Variants in ADAMTS3 observed in about 807,000 individuals in gnomAD.
ADAMTS3 encodes the protein ADAM metallopeptidase with thrombospondin type 1 motif 3.
A neutral mutation model predicts 129.0 loss-of-function variants in ADAMTS3; 73 were observed. The observed-to-expected ratio is 0.57, with a 90% CI of 0.47 to 0.69. The LOEUF (loss-of-function observed/expected upper bound fraction) is 0.69, where lower values mean the gene tolerates loss of function less well. ADAMTS3 is among the 30% of genes least tolerant of loss of function. The pLI is 0.00. For synonymous variants in ADAMTS3, 477 were observed against 510.8 expected (o/e 0.93, Z 0.89); for missense variants, 1,457 against 1,514.5 (o/e 0.96, Z 0.63).
At chr4:72,443,908 TG>T (rs1311246243) in intron 3 of ADAMTS3, among the ~76,000 whole-genome samples, 2 of 151,734 alleles carry the variant, frequency 1.3e-5, no homozygotes, top group Non-Finnish European at 2.9e-5. Flanking sequence ...GGTTGCAGAA[TG>T]GTTATCCAAG....
chr4:72,485,492 G>A (rs1230616263), intron 3 of ADAMTS3, among the ~76,000 whole-genome samples: 1 of 151,924 alleles, frequency 6.6e-6, no homozygotes, highest in Admixed American at 6.6e-5. Context: ...AATTATGTAT[G>A]TTCTGGTTTA....
rs77632469 is a variant in ADAMTS3, at chr4:72,463,954, G to T, written c.505-48983C>A. Among the ~76,000 whole-genome samples, 810 of 151,920 alleles carry T rather than the reference G, an allele frequency of 5.3e-3. 5 individuals carry two copies. The highest frequency in any genetic ancestry group is 0.019 in the African/African-American group (783 of 41,456). On this transcript the variant is annotated intron_variant, in intron 3 of 21. Coordinates refer to ENST00000286657, the MANE Select transcript of ADAMTS3 (RefSeq NM_014243.3). ...GCCAGCCTGCCAAGACAAACAAATG[G>T]GTCTTGGCTAAAGGGGCGCCCATCT...
Position 72,482,035 on chromosome 4 carries a change from A to T in ADAMTS3, c.504+66443T>A, listed in dbSNP as rs569464106. On this transcript the variant is annotated intron_variant, in intron 3 of 21. Coordinates refer to ENST00000286657, the MANE Select transcript of ADAMTS3 (RefSeq NM_014243.3). ...GGTAAGAATGTGAAGAAACTGGAAC[A>T]TTCATACGTTGCTGGTGGGAATGTA... Among the ~76,000 whole-genome samples, 50 of 152,252 alleles carry T rather than the reference A, an allele frequency of 3.3e-4. 2 individuals are homozygous for T. In the South Asian group the frequency reaches 9.9e-3, roughly 30 times the overall value.
rs1279799218 is a variant in ADAMTS3 at position 72,529,889 on chromosome 4, T to A, written c.504+18589A>T. Reference sequence around the variant, plus strand: ...ATAATATAAATTATATATAATATATTATATATTATATATAAATAATATATA... The same window carrying A: ...ATAATATAAATTATATATAATATATAATATATTATATATAAATAATATATA... On this transcript the variant is annotated intron_variant, in intron 3 of 21. Transcript: ENST00000286657. Among the ~76,000 whole-genome samples the A allele has an allele frequency of 6.8e-4, 46 of 68,048 alleles. 2 individuals carry two copies. The highest frequency in any genetic ancestry group is 9.7e-4 in the Non-Finnish European group (38 of 39,240). 44.6% of individuals were successfully genotyped at this position (68,048 alleles called of 152,430 possible).
At chr4:72,440,613 C>T (rs1308490415) in intron 3 of ADAMTS3, among the ~76,000 whole-genome samples, 1 of 151,794 alleles carries the variant, frequency 6.6e-6, no homozygotes, top group Non-Finnish European at 1.5e-5. Flanking sequence ...TGCAATCACA[C>T]TTTTCGTAAC....
Position 72,414,797 on chromosome 4 carries a change from C to T in ADAMTS3, c.661+18G>A. 3 of 1,378,676 alleles carry T rather than the reference C, an allele frequency of 2.2e-6. No individual in the cohort carries two copies. The highest frequency in any genetic ancestry group is 3.0e-5 in the African/African-American group (2 of 67,010). 85.4% of individuals were successfully genotyped at this position (1,378,676 alleles called of 1,614,324 possible). A position where few individuals can be genotyped will look rare whatever the true frequency, so the allele number is the denominator to read the frequency against. ...CTTAAAATTATATTTCATTATTAAG[C>T]TTTGTCAAGACGCCTACCTCTGTAG... is the stretch of plus-strand genomic sequence containing the variant. On this transcript the variant is annotated intron_variant, in intron 4 of 21. Coordinates refer to ENST00000286657, the MANE Select transcript of ADAMTS3 (RefSeq NM_014243.3).
chr4:72,541,905 C>T (rs1390478222), intron 3 of ADAMTS3, among the ~76,000 whole-genome samples: 11 of 151,986 alleles, frequency 7.2e-5, no homozygotes, highest in South Asian at 2.1e-4. Flanking sequence ...TAATATACAC[C>T]CTAAATGTTA....
intron 3 of ADAMTS3, among the ~76,000 whole-genome samples, chr4:72,480,543 T>A (rs931366044): frequency 1.3e-5 from 2 of 150,700 alleles, no homozygotes; most frequent in African/African-American, 2.5e-5. Flanking sequence ...TGGGGACTGT[T>A]GTGGGGTCGG....
At chr4:72,530,886 G>T (rs1721024746) in intron 3 of ADAMTS3, among the ~76,000 whole-genome samples, 3 of 131,788 alleles carry the variant, frequency 2.3e-5, no homozygotes, top group Admixed American at 9.2e-5. Flanking sequence ...ATGCTCTTTA[G>T]ATATACATAT....
chr4:72,297,314 C>T (rs1441459165), intron 18 of ADAMTS3, among the ~76,000 whole-genome samples: 1 of 151,998 alleles, frequency 6.6e-6, no homozygotes, highest in African/African-American at 2.4e-5. Flanking sequence ...GAGAGTACAG[C>T]AGAAGGGAGG....
intron 3 of ADAMTS3, among the ~76,000 whole-genome samples, chr4:72,499,622 T>C (rs1183457386): frequency 3.3e-5 from 5 of 152,180 alleles, no homozygotes; most frequent in African/African-American, 1.2e-4. Flanking sequence ...TTTCCATTTT[T>C]GATAATTTCA....
intron 4 of ADAMTS3, among the ~76,000 whole-genome samples, chr4:72,391,852 G>A (rs957928599): frequency 2.0e-5 from 3 of 151,854 alleles, no homozygotes; most frequent in African/African-American, 4.8e-5. Context: ...TTACAGATGC[G>A]ATACTTCTGC....
chr4:72,349,444 A>G (rs968294029), intron 4 of ADAMTS3, among the ~76,000 whole-genome samples: 2 of 152,082 alleles, frequency 1.3e-5, no homozygotes, highest in African/African-American at 4.8e-5. Flanking sequence ...ATACTTCATA[A>G]CAATATAAAA....
At chr4:72,504,682 T>C (rs1168188089) in intron 3 of ADAMTS3, among the ~76,000 whole-genome samples, 2 of 152,180 alleles carry the variant, frequency 1.3e-5, no homozygotes, top group South Asian at 2.1e-4. Flanking sequence ...TTTCTTTCTC[T>C]ACCTCCTCTC....
intron 4 of ADAMTS3, among the ~76,000 whole-genome samples, chr4:72,385,128 C>T (rs1233969684): frequency 8.6e-5 from 13 of 151,362 alleles, no homozygotes; most frequent in Non-Finnish European, 1.5e-4. Flanking sequence ...TGCAGTGAGC[C>T]GAGATCCTGC....
At chr4:72,426,120 CATAA>C (rs2109939921) in intron 3 of ADAMTS3, among the ~76,000 whole-genome samples, 1 of 152,296 alleles carries the variant, frequency 6.6e-6, no homozygotes, top group South Asian at 2.1e-4. Flanking sequence ...CTGTTGGCTG[CATAA>C]ATGTCTTCTT....
At chr4:72,417,022 G>A (rs1263609071) in intron 3 of ADAMTS3, among the ~76,000 whole-genome samples, 6 of 152,214 alleles carry the variant, frequency 3.9e-5, no homozygotes, top group Non-Finnish European at 1.5e-5. Flanking sequence ...ATATATGGAA[G>A]TTTATAAGGT....
chr4:72,394,562 T>C (rs997535304), intron 4 of ADAMTS3, among the ~76,000 whole-genome samples: 5 of 152,202 alleles, frequency 3.3e-5, no homozygotes, highest in Admixed American at 6.5e-5. Context: ...ATAATGAAGA[T>C]CTCTTCACCC....
At chr4:72,459,209 CA>C (rs1425781366) in intron 3 of ADAMTS3, among the ~76,000 whole-genome samples, 1 of 151,524 alleles carries the variant, frequency 6.6e-6, no homozygotes, top group Non-Finnish European at 1.5e-5. Context: ...AGGGAACAGA[CA>C]AATCAGGGAG....
Sources: gnomAD v4.1 joint callset for allele counts (sites outside exome capture counted in the v4.1 genomes callset) on GRCh38, gnomAD v4.1.1 for gene constraint, MANE v1.5 for transcripts, NCBI Gene and HGNC (gene_info 2026-07-23, HGNC 2026-07-21) for gene names.